Variants in ERBB4 observed in about 807,000 individuals in gnomAD.
The protein encoded by ERBB4 is erb-b2 receptor tyrosine kinase 4, also known as receptor tyrosine-protein kinase erbB-4.
A neutral mutation model predicts 158.0 loss-of-function variants in ERBB4; 42 were observed. That is an observed-to-expected ratio of 0.27 (90% CI 0.21 to 0.34). The LOEUF (loss-of-function observed/expected upper bound fraction) is 0.34. ERBB4 is among the 10% of genes least tolerant of loss of function. The pLI is 1.00. For synonymous variants in ERBB4, 583 were observed against 558.7 expected (o/e 1.04, Z -0.61); for missense variants, 1,333 against 1,624.1 (o/e 0.82, Z 3.08).
intron 1 of ERBB4, among the ~76,000 whole-genome samples, chr2:212,360,335 C>CT (rs1349627633): frequency 6.6e-6 from 1 of 151,638 alleles, no homozygotes; most frequent in Non-Finnish European, 1.5e-5. Context: ...TCAAATACTC[C>CT]TTGCCCTTTC....
intron 1 of ERBB4, among the ~76,000 whole-genome samples, chr2:212,435,997 C>A (rs1471310021): frequency 6.6e-6 from 1 of 151,832 alleles, no homozygotes; most frequent in African/African-American, 2.4e-5. Context: ...TTCAGAATCA[C>A]CCTCAATGAA....
intron 19 of ERBB4, among the ~76,000 whole-genome samples, chr2:211,564,852 A>G (rs1358718781): frequency 1.3e-5 from 2 of 152,246 alleles, no homozygotes; most frequent in African/African-American, 2.4e-5. Flanking sequence ...AGGTGACCCA[A>G]GAAGATGGAA....
At chr2:211,736,884 T>C (rs1178085945) in intron 5 of ERBB4, among the ~76,000 whole-genome samples, 4 of 152,136 alleles carry the variant, frequency 2.6e-5, no homozygotes, top group South Asian at 2.1e-4. Context: ...ATATAATCTA[T>C]AGATATTAAA....
chr2:211,995,261 AC>A lies in ERBB4; in HGVS notation c.235-47646del, dbSNP rs1266813296. ...TTCATTTTTCTGTGCTCTATGAAAA[AC>A]CCTGAGTTAAAATAACTGTCCTGGC... On this transcript the variant is annotated intron_variant, in intron 2 of 27. Transcript: ENST00000342788. Among the ~76,000 whole-genome samples, 24 of 152,306 alleles carry A rather than the reference AC, an allele frequency of 1.6e-4. No homozygotes were observed. In the East Asian group the frequency reaches 4.2e-3, roughly 27 times the overall value.
chr2:211,967,585 A>G (rs1189997237), intron 2 of ERBB4, among the ~76,000 whole-genome samples: 3 of 152,050 alleles, frequency 2.0e-5, no homozygotes, highest in African/African-American at 7.2e-5. Context: ...TAAAAATCCA[A>G]CAGTAAACAA....
chr2:211,378,061 A>AG lies in ERBB4; in HGVS notation c.*5553dup, dbSNP rs2125294889. 4.3e-6 allele frequency: 1 copy of AG among 233,180 alleles called. No individual in the cohort carries two copies. The allele number at this position is 233,180 out of a possible 1,614,324, so 14.4% of individuals were successfully genotyped here. A position where few individuals can be genotyped will look rare whatever the true frequency, so the allele number is the denominator to read the frequency against. ...ATCCACTATGGCTTAAGAAAGGAAC[A>AG]GGACAGCATCGGGGGACTACTTTGA... On this transcript the variant is annotated 3_prime_UTR_variant, in exon 28 of 28. Coordinates refer to ENST00000342788, the MANE Select transcript of ERBB4 (RefSeq NM_005235.3).
At chr2:211,425,973 C>T (rs1179764653) in intron 22 of ERBB4, among the ~76,000 whole-genome samples, 1 of 152,036 alleles carries the variant, frequency 6.6e-6, no homozygotes, top group Non-Finnish European at 1.5e-5. Flanking sequence ...CACGAGACAC[C>T]GTGCGGGGCC....
chr2:211,676,178 C>G (rs1432780322), intron 13 of ERBB4, among the ~76,000 whole-genome samples: 1 of 152,122 alleles, frequency 6.6e-6, no homozygotes, highest in East Asian at 1.9e-4. Context: ...AAGAAACTAG[C>G]CCATACCACA....
In ERBB4 at chr2:211,524,331, C is replaced by CG. The variant is rs545902859; in HGVS notation, c.2487+37571dup. On this transcript the variant is annotated intron_variant, in intron 20 of 27. Coordinates refer to ENST00000342788, the MANE Select transcript of ERBB4 (RefSeq NM_005235.3). ...CTGGCTTCACCCAGTGGATCCCTCA[C>CG]GGGGGCTGCAGGTGGAGCTGCCTGC... 1.8e-4 allele frequency among the ~76,000 whole-genome samples: 27 copies of CG among 152,220 alleles called. No homozygotes were observed. In the South Asian group the frequency reaches 5.4e-3, roughly 30 times the overall value.
At chr2:212,098,973 G>T (rs892636672) in intron 2 of ERBB4, among the ~76,000 whole-genome samples, 15 of 151,830 alleles carry the variant, frequency 9.9e-5, no homozygotes, top group African/African-American at 3.4e-4. Context: ...AAAGCACTGG[G>T]CTATGCATAT....
chr2:212,182,591 T>C (rs1450106648), intron 1 of ERBB4, among the ~76,000 whole-genome samples: 1 of 151,880 alleles, frequency 6.6e-6, no homozygotes, highest in Non-Finnish European at 1.5e-5. Context: ...TTTTTATTAG[T>C]GAGCATATTT....
intron 2 of ERBB4, among the ~76,000 whole-genome samples, chr2:212,067,801 T>C (rs1045762648): frequency 6.6e-6 from 1 of 152,018 alleles, no homozygotes; most frequent in African/African-American, 2.4e-5. Context: ...AGAATAACAC[T>C]GTCTTTAAGA....
At chr2:211,823,841 A>G (rs1258436795) in intron 3 of ERBB4, among the ~76,000 whole-genome samples, 3 of 152,032 alleles carry the variant, frequency 2.0e-5, no homozygotes, top group Non-Finnish European at 4.4e-5. Flanking sequence ...TTAATTTTTG[A>G]GGGCCCAATT....
At chr2:211,961,542 T>C (rs1293125613) in intron 2 of ERBB4, among the ~76,000 whole-genome samples, 1 of 152,174 alleles carries the variant, frequency 6.6e-6, no homozygotes, top group Non-Finnish European at 1.5e-5. Flanking sequence ...AGTGACAGAC[T>C]AACTTGTTAG....
At chr2:211,991,909 A>G (rs1431179493) in intron 2 of ERBB4, among the ~76,000 whole-genome samples, 1 of 152,170 alleles carries the variant, frequency 6.6e-6, no homozygotes, top group African/African-American at 2.4e-5. Flanking sequence ...TTCACAGGCT[A>G]TGTTGAGGCA....
intron 4 of ERBB4, chr2:211,779,666 G>A (rs1295573241): frequency 1.3e-5 from 2 of 152,194 alleles, no homozygotes; most frequent in African/African-American, 2.4e-5. Flanking sequence ...GCTTCAAAAC[G>A]AAAAGTACTA....
chr2:211,657,078 T>C lies in ERBB4; in HGVS notation c.1946+676A>G, dbSNP rs553394332. On this transcript the variant is annotated intron_variant, in intron 16 of 27. Transcript: ENST00000342788. The stretch of plus-strand genomic sequence containing the variant: ...CTTAAAAATAATATAAAATCAGAAA[T>C]TGAATTAAATTAAATAATAAACTTC... Among the ~76,000 whole-genome samples, 26 of 152,226 alleles carry C rather than the reference T, an allele frequency of 1.7e-4. No individual in the cohort carries two copies. The East Asian group carries it at 2.5e-3, about 15-fold the overall frequency.
intron 20 of ERBB4, among the ~76,000 whole-genome samples, chr2:211,437,663 C>T (rs1309239687): frequency 1.3e-5 from 2 of 152,096 alleles, no homozygotes; most frequent in South Asian, 2.1e-4. Context: ...TCATCAAATA[C>T]GTGTGTGGAG....
chr2:212,473,259 C>A (rs1261826888), intron 1 of ERBB4, among the ~76,000 whole-genome samples: 1 of 151,878 alleles, frequency 6.6e-6, no homozygotes, highest in Non-Finnish European at 1.5e-5. Flanking sequence ...ATTATTCTTA[C>A]TGAATATATT....
Sources: gnomAD v4.1 joint callset for allele counts (sites outside exome capture counted in the v4.1 genomes callset) on GRCh38, gnomAD v4.1.1 for gene constraint, MANE v1.5 for transcripts, NCBI Gene and HGNC (gene_info 2026-07-23, HGNC 2026-07-21) for gene names.